Variants in LMNB1 observed in about 807,000 individuals in gnomAD.
LMNB1 encodes the protein lamin B1.
LMNB1 carries 23 observed loss-of-function variants against 67.1 expected under a neutral mutation model. That is an observed-to-expected ratio of 0.34 (90% confidence interval 0.25 to 0.49). The LOEUF (loss-of-function observed/expected upper bound fraction) is 0.49. Among genes scored for constraint, LMNB1 ranks in the 20% least tolerant of loss-of-function variants. The probability of loss-of-function intolerance (pLI) is 0.99; values close to 1 mark genes in which losing one functional copy is unlikely to be tolerated. For missense variants in LMNB1, 634 were observed against 746.5 expected (o/e 0.85, Z 1.76); for synonymous variants, 281 against 282.9 (o/e 0.99, Z 0.07).
chr5:126,786,317 G>T (rs1399098825), intron 1 of LMNB1, among the ~76,000 whole-genome samples: 2 of 151,830 alleles, frequency 1.3e-5, no homozygotes, highest in East Asian at 3.9e-4. Context: ...TAGAGACGGG[G>T]TTTCACTGTT....
chr5:126,835,977 T>C (rs1326162532), intron 10 of LMNB1, among the ~76,000 whole-genome samples: 5 of 151,750 alleles, frequency 3.3e-5, no homozygotes, highest in Non-Finnish European at 4.4e-5. Context: ...ACCCAGGAGG[T>C]AGAGGTTGCA....
At chr5:126,816,415 A>G (rs920847369) in intron 5 of LMNB1, among the ~76,000 whole-genome samples, 1 of 152,178 alleles carries the variant, frequency 6.6e-6, no homozygotes, top group Non-Finnish European at 1.5e-5. Flanking sequence ...TTTTTAAATA[A>G]CCTTGTTATT....
intron 9 of LMNB1, among the ~76,000 whole-genome samples, chr5:126,828,201 T>A (rs1752044649): frequency 6.6e-6 from 1 of 152,184 alleles, no homozygotes; most frequent in Non-Finnish European, 1.5e-5. Flanking sequence ...GAAACATTGT[T>A]AAGAGTGGTG....
At position 126,818,239 on chromosome 5, in the gene LMNB1, CT is replaced by C. The variant is rs376846973; in HGVS notation, c.940-666del. Reference sequence around the variant, plus strand: ...TTATTTTGTCAGTCAGTGTTTATATCTTTTTTTTTTTTTTTTTGAGACAGAG... The same window carrying C: ...TTATTTTGTCAGTCAGTGTTTATATCTTTTTTTTTTTTTTTTGAGACAGAG... On this transcript the variant is annotated intron_variant, in intron 5 of 10. Coordinates refer to ENST00000261366, the MANE Select transcript of LMNB1 (RefSeq NM_005573.4). 2.4e-3 allele frequency among the ~76,000 whole-genome samples: 318 copies of C among 134,124 alleles called. No individual in the cohort carries two copies. In the Middle Eastern group the frequency reaches 0.045, roughly 19 times the overall value. 88.0% of individuals were successfully genotyped at this position (134,124 alleles called of 152,430 possible). A position where few individuals can be genotyped will look rare whatever the true frequency, so the allele number is the denominator to read the frequency against.
rs929746394 is a variant in LMNB1, at chr5:126,825,132, A to G, written c.1492-856A>G. Among the ~76,000 whole-genome samples, 9 of 152,296 alleles carry G rather than the reference A, an allele frequency of 5.9e-5. No homozygotes were observed. In the South Asian group the frequency reaches 1.9e-3, roughly 32 times the overall value. ...ATGATCTTTCTAAGAGATCAGGGCT[A>G]GTAGTATCCCTGTAGCTAAAGGCAT... On this transcript the variant is annotated intron_variant, in intron 8 of 10. Coordinates refer to ENST00000261366, the MANE Select transcript of LMNB1 (RefSeq NM_005573.4).
intron 1 of LMNB1, among the ~76,000 whole-genome samples, chr5:126,786,112 CTTTTTTT>C (rs70997312): frequency 9.4e-6 from 1 of 106,664 alleles, no homozygotes; most frequent in African/African-American, 3.4e-5. Context: ...CAGACATTAT[CTTTTTTT>C]TTTTTTTTTT....
chr5:126,828,579 C>CT (rs11372205), intron 9 of LMNB1, among the ~76,000 whole-genome samples: 52,830 of 141,934 alleles, frequency 0.37, 9,906 homozygotes, highest in South Asian at 0.45. Flanking sequence ...TTGGTCCATT[C>CT]TTTTTTTTTT....
At chr5:126,815,645 T>C (rs1032628621) in intron 5 of LMNB1, among the ~76,000 whole-genome samples, 1 of 152,146 alleles carries the variant, frequency 6.6e-6, no homozygotes, top group African/African-American at 2.4e-5. Flanking sequence ...TCTAGATAGT[T>C]AGAGCTCTTC....
intron 9 of LMNB1, among the ~76,000 whole-genome samples, chr5:126,831,111 C>T (rs1209726847): frequency 6.6e-6 from 1 of 152,190 alleles, no homozygotes; most frequent in African/African-American, 2.4e-5. Context: ...CATTATTGGG[C>T]ATATTTCAAA....
intron 10 of LMNB1, among the ~76,000 whole-genome samples, chr5:126,834,659 AAGGTC>A: frequency 6.6e-6 from 1 of 152,302 alleles, no homozygotes; most frequent in South Asian, 2.1e-4. Flanking sequence ...GGCAGATCAC[AAGGTC>A]AGGAGATCGA....
intron 1 of LMNB1, among the ~76,000 whole-genome samples, chr5:126,786,112 C>CTTTTTTTTT (rs70997312): frequency 1.7e-4 from 18 of 106,662 alleles, no homozygotes; most frequent in Admixed American, 2.3e-4. Context: ...CAGACATTAT[C>CTTTTTTTTT]TTTTTTTTTT....
intron 4 of LMNB1, 67 bp downstream of exon 4, chr5:126,810,417 A>G (rs1321020633): frequency 8.4e-7 from 1 of 1,188,156 alleles, no homozygotes; most frequent in Admixed American, 2.1e-5. Context: ...CATGATGAAC[A>G]TGGCTTTATG....
At chr5:126,827,940 T>C (rs1442915518) in intron 9 of LMNB1, among the ~76,000 whole-genome samples, 2 of 152,112 alleles carry the variant, frequency 1.3e-5, no homozygotes, top group Non-Finnish European at 2.9e-5. Context: ...TTGTTCTCAC[T>C]CACTAGAGGA....
intron 1 of LMNB1, among the ~76,000 whole-genome samples, chr5:126,798,292 AC>A (rs1231238736): frequency 2.6e-5 from 4 of 152,094 alleles, no homozygotes; most frequent in African/African-American, 9.7e-5. Context: ...TACTAAAAAT[AC>A]AAAAAAATTA....
chr5:126,827,640 G>A (rs1218981365), intron 9 of LMNB1, among the ~76,000 whole-genome samples: 2 of 152,120 alleles, frequency 1.3e-5, no homozygotes, highest in Non-Finnish European at 2.9e-5. Flanking sequence ...GAGCAAGACT[G>A]TGTCTCAAAT....
chr5:126,825,052 T>C (rs1233093160), intron 8 of LMNB1, among the ~76,000 whole-genome samples: 1 of 152,232 alleles, frequency 6.6e-6, no homozygotes, highest in Non-Finnish European at 1.5e-5. Context: ...TAAAGTCTTT[T>C]ATATTCTATA....
intron 1 of LMNB1, among the ~76,000 whole-genome samples, chr5:126,791,519 A>G (rs908528189): frequency 2.1e-5 from 3 of 145,108 alleles, no homozygotes; most frequent in Non-Finnish European, 4.6e-5. Flanking sequence ...GTGCAGTGGC[A>G]TGATCTTGGC....
chr5:126,791,019 C>A (rs966650548), intron 1 of LMNB1, among the ~76,000 whole-genome samples: 2 of 151,892 alleles, frequency 1.3e-5, no homozygotes, highest in Admixed American at 6.6e-5. Context: ...GAAACTCTGT[C>A]TCAATAAATA....
chr5:126,808,956 A>G (rs1751521236), intron 3 of LMNB1, among the ~76,000 whole-genome samples: 2 of 152,072 alleles, frequency 1.3e-5, no homozygotes, highest in African/African-American at 2.4e-5. Flanking sequence ...GCTCACTGCA[A>G]CCACCGTCTC....
Sources: allele counts gnomAD v4.1 joint callset (sites outside exome capture counted in the v4.1 genomes callset), GRCh38; gene constraint gnomAD v4.1.1; transcripts MANE v1.5; gene names NCBI Gene and HGNC (gene_info 2026-07-23, HGNC 2026-07-21).